The following UTRN variants were observed in gnomAD, a reference collection of about 807,000 sequenced individuals.
UTRN encodes utrophin, also known as dystrophin-related protein 1.
Under a neutral mutation model 463.9 loss-of-function variants are expected in UTRN, and 283 were observed. The ratio of observed to expected loss-of-function variants is 0.61; its 90% CI spans 0.55 to 0.67. The LOEUF (loss-of-function observed/expected upper bound fraction) is 0.67. Ranked by LOEUF, UTRN falls within the 30% of genes least tolerant of loss-of-function variation. UTRN has a pLI of 0.00. For missense variants in UTRN, 3,922 were observed against 4,084.3 expected (o/e 0.96, Z 1.08); for synonymous variants, 1,442 against 1,431.5 (o/e 1.01, Z -0.17).
intron 53 of UTRN, among the ~76,000 whole-genome samples, chr6:144,701,319 T>TAAA (rs79923959): frequency 1.4e-5 from 2 of 141,342 alleles, no homozygotes; most frequent in African/African-American, 5.1e-5. Context: ...GGACTTGTAG[T>TAAA]AAAAAAAAAA....
At chr6:144,454,475 A>G (rs1056018175) in intron 19 of UTRN, among the ~76,000 whole-genome samples, 3 of 152,088 alleles carry the variant, frequency 2.0e-5, no homozygotes, top group African/African-American at 7.2e-5. Context: ...TTCTAGAGAA[A>G]TGTTGAAAGA....
At chr6:144,530,973 ATT>A (rs1182580927) in intron 41 of UTRN, 77 bp from the exon 42 acceptor site, 6 of 1,458,722 alleles carry the variant, frequency 4.1e-6, no homozygotes, top group Non-Finnish European at 5.5e-6. Context: ...ATGAAATTTG[ATT>A]TTCTTTTTTA....
intron 3 of UTRN, among the ~76,000 whole-genome samples, chr6:144,410,192 A>G (rs1783761298): frequency 6.6e-6 from 1 of 152,178 alleles, no homozygotes; most frequent in African/African-American, 2.4e-5. Context: ...TATATTGAAC[A>G]AAGGAACTTT....
intron 2 of UTRN, among the ~76,000 whole-genome samples, chr6:144,370,906 C>T (rs1779925010): frequency 6.6e-6 from 1 of 152,192 alleles, no homozygotes; most frequent in Non-Finnish European, 1.5e-5. Flanking sequence ...TACTGAAAAT[C>T]AAGATCAAGT....
Position 144,299,860 on chromosome 6 carries a change from T to G in UTRN, c.79+7953T>G, listed in dbSNP as rs536795166. 5.4e-3 allele frequency among the ~76,000 whole-genome samples: 818 copies of G among 152,276 alleles called. 6 individuals carry two copies. Among genetic ancestry groups the G allele is most frequent in the Non-Finnish European group, 8.2e-3 (561 of 68,014 alleles). On this transcript the variant is annotated intron_variant, in intron 2 of 74. Transcript: ENST00000367545. ...AGGGGGGGTGGTTAGAGAAATGTAT[T>G]ATATATGTATTAATATTTGCCTCCC...
chr6:144,440,208 A>G, intron 12 of UTRN, 144 bp from the exon 13 acceptor site: 2 of 804,196 alleles, frequency 2.5e-6, no homozygotes, highest in South Asian at 1.8e-5. Context: ...GATTAGTTTC[A>G]TTAGTAGAAC....
In UTRN at chr6:144,488,688, A is replaced by G. The variant is rs1449344976; in HGVS notation, c.3988A>G (p.Ile1330Val). ...DLSHLAESKQ[I>V]SLEKQLQVLR... ...CTTTGTGCAGGCAGAGAGCAAGCAG[A>G]TTTCTTTGGAAAAGCAACTCCAGGT... The change falls in exon 30 of 75, where the codon ATT (isoleucine) becomes GTT (valine). Residue 1330 changes from isoleucine (I) to valine (V), a missense_variant. Physicochemically the swap from Ile to Val is conservative, Grantham distance 29. Around this residue, in one of 3 missense-constraint regions of UTRN, gnomAD observed 2,349 missense variants for 2,303.8 expected, o/e 1.02. Transcript: ENST00000367545. 1.2e-6 allele frequency: 2 copies of G among 1,612,548 alleles called. No homozygotes were observed. Among genetic ancestry groups the G allele is most frequent in the African/African-American group, 2.7e-5 (2 of 74,884 alleles).
At chr6:144,320,402 C>T (rs149808839) in intron 2 of UTRN, among the ~76,000 whole-genome samples, 89 of 152,276 alleles carry the variant, frequency 5.8e-4, no homozygotes, top group African/African-American at 2.0e-3. Flanking sequence ...TGAGAGGGGC[C>T]GTCTCCCAAT....
intron 2 of UTRN, among the ~76,000 whole-genome samples, chr6:144,364,707 G>A (rs1403461467): frequency 1.3e-5 from 2 of 152,134 alleles, no homozygotes; most frequent in African/African-American, 4.8e-5. Context: ...AGTCTGACAC[G>A]GGTCTTACTG....
chr6:144,671,781 GTTGGCTGTGAATTCA>G (rs1318865840), intron 51 of UTRN, among the ~76,000 whole-genome samples: 1 of 152,030 alleles, frequency 6.6e-6, no homozygotes, highest in Non-Finnish European at 1.5e-5. Context: ...TAAGTATAAT[GTTGGCTGTGAATTCA>G]TCATAGGTGG....
intron 50 of UTRN, among the ~76,000 whole-genome samples, chr6:144,563,190 G>A (rs1326044542): frequency 2.0e-5 from 3 of 152,104 alleles, no homozygotes; most frequent in Non-Finnish European, 4.4e-5. Context: ...TAAATATTGT[G>A]TATAGTAAAG....
chr6:144,763,612 G>T (rs1218602669), intron 58 of UTRN, among the ~76,000 whole-genome samples: 1 of 152,194 alleles, frequency 6.6e-6, no homozygotes, highest in South Asian at 2.1e-4. Context: ...TTGTGCGCCA[G>T]CTTAGGCAAT....
rs4259269 is a variant in UTRN at position 144,473,649 on chromosome 6, C to T, written c.3067-71C>T. 0.16 allele frequency: 183,560 copies of T among 1,137,842 alleles called. 16,528 individuals are homozygous for T. Among genetic ancestry groups the T allele is most frequent in the South Asian group, 0.33 (21,701 of 66,060 alleles). 70.5% of individuals were successfully genotyped at this position (1,137,842 alleles called of 1,614,324 possible). On this transcript the variant is annotated intron_variant, in intron 23 of 74. Coordinates refer to ENST00000367545, the MANE Select transcript of UTRN (RefSeq NM_007124.3). ...TTAAAAAGTTCCTTTGTTCCAGTGG[C>T]GGTAGATCTTGAGATGTAGTAGGCT...
chr6:144,398,143 C>T (rs150658956), intron 2 of UTRN: 41 of 247,074 alleles, frequency 1.7e-4, no homozygotes, highest in African/African-American at 5.9e-4. Context: ...ACCACGTTTT[C>T]CCTGTTCCCT....
At position 144,545,580 on chromosome 6, in the gene UTRN, A is replaced by C. The variant is rs1167332821; in HGVS notation, c.6595+2710A>C. On this transcript the variant is annotated intron_variant, in intron 46 of 74. Coordinates refer to ENST00000367545, the MANE Select transcript of UTRN (RefSeq NM_007124.3). ...AAATGTTCTTCTCTTAGATATTTTC[A>C]TGTTTCACATACTCACTTCCTTTAG... 2.0e-5 allele frequency among the ~76,000 whole-genome samples: 3 copies of C among 152,274 alleles called. No homozygotes were observed. In the East Asian group the frequency reaches 5.8e-4, roughly 29 times the overall value.
intron 2 of UTRN, among the ~76,000 whole-genome samples, chr6:144,371,051 A>T (rs1019812154): frequency 1.3e-5 from 2 of 152,126 alleles, no homozygotes; most frequent in African/African-American, 4.8e-5. Flanking sequence ...CCCCTGACTC[A>T]TCCCTGCAAG....
In UTRN at chr6:144,499,391, G is replaced by C. The variant is rs1350497256; in HGVS notation, c.4728G>C (p.Leu1576=). 5 of 1,610,352 alleles carry C rather than the reference G, an allele frequency of 3.1e-6. No homozygotes were observed. Among genetic ancestry groups the C allele is most frequent in the Middle Eastern group, 3.3e-4 (2 of 6,064 alleles). Residue 1576 remains leucine (L), a synonymous_variant, in exon 34 of 75, where the codon CTG becomes CTC. Transcript: ENST00000367545. ...ELVQKSTSEG[L]LGDLDTEISW... ...TACAGAAGTCCACTTCAGAAGGTCT[G>C]CTTGGTGACTTGGATACAGAAATTT...
At position 144,490,953 on chromosome 6, in the gene UTRN, A is replaced by G. The variant is rs750328505; in HGVS notation, c.4288A>G (p.Lys1430Glu). ...GAGGAAACTCCGAGAGGTGTCCACAAAGTTCCAGCTTTTCCAGAAGCCAGC... is the reference window on the plus strand; with the variant it reads ...GAGGAAACTCCGAGAGGTGTCCACAGAGTTCCAGCTTTTCCAGAAGCCAGC... ...LQRKLREVSTKFQLFQKPANF... is the reference protein window; with the variant it reads ...LQRKLREVSTEFQLFQKPANF... Residue 1430 changes from lysine (K) to glutamate (E), a missense_variant, in exon 32 of 75, where the codon AAG becomes GAG. Lys to Glu is a moderately conservative substitution (Grantham distance 56). Transcript: ENST00000367545. 1 of 1,605,790 alleles carries G rather than the reference A, an allele frequency of 6.2e-7. No homozygotes were observed. The highest frequency in any genetic ancestry group is 8.5e-7 in the Non-Finnish European group (1 of 1,176,164).
intron 73 of UTRN, 82 bp from the exon 74 acceptor site, chr6:144,846,723 C>A: frequency 1.3e-6 from 2 of 1,571,852 alleles, no homozygotes; most frequent in South Asian, 1.1e-5. Context: ...GTGATACTTT[C>A]CACGCATTTG....
Sources: gnomAD v4.1 joint callset for allele counts (sites outside exome capture counted in the v4.1 genomes callset) on GRCh38, gnomAD v4.1.1 for gene constraint, gnomAD v4.1.1 regional missense constraint, MANE v1.5 for transcripts, NCBI Gene and HGNC (gene_info 2026-07-23, HGNC 2026-07-21) for gene names.